ZC3H4: variants seen among roughly 807,000 people sequenced by gnomAD.
ZC3H4 encodes zinc finger CCCH domain-containing protein 4.
ZC3H4 carries 13 observed loss-of-function variants against 108.3 expected under a neutral mutation model. The ratio of observed to expected loss-of-function variants is 0.12; its 90% CI spans 0.08 to 0.19. The LOEUF (loss-of-function observed/expected upper bound fraction) is 0.19, where lower values mean the gene tolerates loss of function less well. ZC3H4 is among the 10% of genes least tolerant of loss of function. The probability of loss-of-function intolerance (pLI) is 1.00; values close to 1 mark genes in which losing one functional copy is unlikely to be tolerated. For synonymous variants in ZC3H4, 917 were observed against 749.6 expected (o/e 1.22, Z -3.65); for missense variants, 1,734 against 1,838.8 (o/e 0.94, Z 1.04).
chr19:47,075,641 C>G (rs894927435), intron 11 of ZC3H4, among the ~76,000 whole-genome samples: 11 of 152,104 alleles, frequency 7.2e-5, no homozygotes, highest in Non-Finnish European at 1.3e-4. Flanking sequence ...CACTCACACT[C>G]CCCATGTGTC....
Position 47,112,535 on chromosome 19 carries a change from G to T in ZC3H4, c.50C>A (p.Pro17Gln). 1.9e-6 allele frequency: 2 copies of T among 1,064,616 alleles called. No homozygotes were observed. Among genetic ancestry groups the T allele is most frequent in the Non-Finnish European group, 2.4e-6 (2 of 828,202 alleles). 65.9% of individuals were successfully genotyped at this position (1,064,616 alleles called of 1,614,324 possible). A position where few individuals can be genotyped will look rare whatever the true frequency, so the allele number is the denominator to read the frequency against. The change falls in exon 2 of 15, where the codon CCG (proline) becomes CAG (glutamine). Residue 17 changes from proline (P) to glutamine (Q), a missense_variant. By Grantham distance (76) the Pro-to-Gln change is moderately conservative. Around this residue, in one of 9 missense-constraint regions of ZC3H4, gnomAD observed 112 missense variants for 73.3 expected, o/e 1.53. Coordinates refer to ENST00000253048, the MANE Select transcript of ZC3H4 (RefSeq NM_015168.2). Reference sequence around the variant, plus strand: ...TGATGGCGGCGGCGGCGATGGCGGCGGCGGCGACTCTGATGGCGGCGGCGG... The same window carrying T: ...TGATGGCGGCGGCGGCGATGGCGGCTGCGGCGACTCTGATGGCGGCGGCGG... ...TPPPPPSESP[P>Q]PPSPPPPSTP...
At chr19:47,081,087 A>T (rs962440777) in intron 11 of ZC3H4, among the ~76,000 whole-genome samples, 1 of 151,746 alleles carries the variant, frequency 6.6e-6, no homozygotes, top group Non-Finnish European at 1.5e-5. Flanking sequence ...TTTTAGTAGA[A>T]ACAACGTCTT....
intron 2 of ZC3H4, among the ~76,000 whole-genome samples, chr19:47,109,539 T>C (rs1361528856): frequency 6.6e-6 from 1 of 152,212 alleles, no homozygotes; most frequent in African/African-American, 2.4e-5. Context: ...GCTGACCCAG[T>C]GCCCTGGATA....
rs2058052329 is a variant in ZC3H4 at position 47,112,430 on chromosome 19, T to G, written c.155A>C (p.Asp52Ala). The G allele has an allele frequency of 4.0e-6, 5 of 1,234,754 alleles. No individual in the cohort carries two copies. The Admixed American group carries it at 1.3e-4, about 31-fold the overall frequency. 76.5% of individuals were successfully genotyped at this position (1,234,754 alleles called of 1,614,324 possible). The part of the protein sequence containing the change: ...HLLHHRLPLP[D>A]DREDGELEEG... ...GCCCAACCGGGGGCCTGACCTGTCG[T>G]CAGGGAGCGGGAGGCGGTGGTGGAG... The change falls in exon 2 of 15, where the codon GAC (aspartate) becomes GCC (alanine). Residue 52 changes from aspartate (D) to alanine (A), a missense_variant. This residue lies in a region of ZC3H4 where 112 missense variants were observed against 73.3 expected (regional missense o/e 1.53). Transcript: ENST00000253048.
intron 2 of ZC3H4, among the ~76,000 whole-genome samples, chr19:47,101,665 G>A (rs1192398701): frequency 6.6e-6 from 1 of 152,054 alleles, no homozygotes; most frequent in African/African-American, 2.4e-5. Flanking sequence ...TAGATCAGGA[G>A]TTCGAGACCA....
intron 13 of ZC3H4, 87 bp from the exon 14 acceptor site, chr19:47,069,430 A>C: frequency 6.7e-7 from 1 of 1,484,988 alleles, no homozygotes; most frequent in Non-Finnish European, 9.0e-7. Context: ...GCAAACCCAC[A>C]CCGATGGCGA....
chr19:47,066,496 TC>T lies in ZC3H4; in HGVS notation c.3771del (p.Thr1258ArgfsTer2). ...CCCGTCTTGGGTGTCTGCTTCACCG[TC>T]CCGAAGAGGGTGGGCACGGGCAGGT... ...VHNLPVPTLF[G>X]TVKQTPKTGS... On this transcript the variant is annotated frameshift_variant, in exon 15 of 15. Transcript: ENST00000253048. LOFTEE classifies it high-confidence loss of function. 2 of 1,578,050 alleles carry T rather than the reference TC, an allele frequency of 1.3e-6. No individual in the cohort carries two copies. The highest frequency in any genetic ancestry group is 1.2e-5 in the South Asian group (1 of 85,580).
intron 2 of ZC3H4, among the ~76,000 whole-genome samples, chr19:47,095,413 G>C (rs538288852): frequency 7.9e-5 from 12 of 152,350 alleles, no homozygotes; most frequent in African/African-American, 2.4e-4. Context: ...TGAGCAGCTG[G>C]AGGAGGGGGG....
chr19:47,089,168 T>C (rs1044994592), intron 5 of ZC3H4, among the ~76,000 whole-genome samples: 3 of 130,780 alleles, frequency 2.3e-5, no homozygotes, highest in African/African-American at 9.0e-5. Flanking sequence ...ATCGCGCCAC[T>C]GCACTCCAGC....
At position 47,069,088 on chromosome 19, in the gene ZC3H4, G is replaced by C. The variant is rs375396009; in HGVS notation, c.2398+4C>G. 6.2e-6 allele frequency: 10 copies of C among 1,602,626 alleles called. No homozygotes were observed. The highest frequency in any genetic ancestry group is 8.5e-6 in the Non-Finnish European group (10 of 1,179,846). ...GTGCCCCGGCCCCTGGGGCGGACAC[G>C]TGCCTTCCTCATTCTCCCGGTCCTG... On this transcript the variant is annotated splice_donor_region_variant and intron_variant, in intron 14 of 14. Coordinates refer to ENST00000253048, the MANE Select transcript of ZC3H4 (RefSeq NM_015168.2).
intron 10 of ZC3H4, 72 bp downstream of exon 10, chr19:47,082,112 G>A (rs2057535204): frequency 1.6e-6 from 2 of 1,256,144 alleles, no homozygotes; most frequent in Admixed American, 1.7e-5. Context: ...AAGATTGGCT[G>A]TTACTACCAC....
intron 1 of ZC3H4, 25 bp from the exon 2 acceptor site, chr19:47,112,614 G>T: frequency 2.5e-6 from 3 of 1,218,376 alleles, no homozygotes; most frequent in Non-Finnish European, 2.1e-6. Context: ...GGATGTTAAT[G>T]CACGAAAAAG....
intron 2 of ZC3H4, chr19:47,110,834 T>C: frequency 1.1e-6 from 1 of 883,464 alleles, no homozygotes. Flanking sequence ...TGGGCTGCGA[T>C]TCCCAGGACG....
rs112615520 is a variant in ZC3H4, at chr19:47,105,775, G to A, written c.161+6649C>T. Among the ~76,000 whole-genome samples, 619 of 152,290 alleles carry A rather than the reference G, an allele frequency of 4.1e-3. 2 individuals are homozygous for A. Among genetic ancestry groups the A allele is most frequent in the Non-Finnish European group, 6.1e-3 (412 of 68,032 alleles). On this transcript the variant is annotated intron_variant, in intron 2 of 14. Coordinates refer to ENST00000253048, the MANE Select transcript of ZC3H4 (RefSeq NM_015168.2). Reference sequence around the variant, plus strand: ...TTCTCCCAAACAAAAGTTTCCAGAAGCCACATTTAAATGCATTCTGCTTTT... The same window carrying A: ...TTCTCCCAAACAAAAGTTTCCAGAAACCACATTTAAATGCATTCTGCTTTT...
chr19:47,072,343 G>A lies in ZC3H4; in HGVS notation c.1802+9C>T, dbSNP rs898775903. 1.2e-6 allele frequency: 2 copies of A among 1,611,850 alleles called. No individual in the cohort carries two copies. Among genetic ancestry groups the A allele is most frequent in the Non-Finnish European group, 1.7e-6 (2 of 1,179,308 alleles). ...CCCACTGCCTGTCACGGGGGTCCAG[G>A]GCACTCACCTCACACCCAGCTTCTC... On this transcript the variant is annotated intron_variant, in intron 12 of 14. Coordinates refer to ENST00000253048, the MANE Select transcript of ZC3H4 (RefSeq NM_015168.2). This position sits in a 1 kb window ranked among gnomAD's most constrained non-coding sequence, Gnocchi z 5.6.
At chr19:47,069,603 T>C (rs1332330640) in intron 13 of ZC3H4, among the ~76,000 whole-genome samples, 1 of 152,192 alleles carries the variant, frequency 6.6e-6, no homozygotes, top group East Asian at 1.9e-4. Context: ...ACATTGGATG[T>C]ACGTTTGTAA....
chr19:47,103,475 T>C (rs1179712078), intron 2 of ZC3H4, among the ~76,000 whole-genome samples: 3 of 152,114 alleles, frequency 2.0e-5, no homozygotes, highest in African/African-American at 7.2e-5. Flanking sequence ...AGCTAATTTT[T>C]GTATTTTTTG....
chr19:47,075,264 C>T (rs1388505756), intron 11 of ZC3H4, among the ~76,000 whole-genome samples: 1 of 152,154 alleles, frequency 6.6e-6, no homozygotes, highest in Non-Finnish European at 1.5e-5. Context: ...CCCGTGGAGG[C>T]AGAACCCGCA....
At chr19:47,102,395 G>C (rs775312844) in intron 2 of ZC3H4, among the ~76,000 whole-genome samples, 4 of 152,194 alleles carry the variant, frequency 2.6e-5, no homozygotes, top group Non-Finnish European at 5.9e-5. Context: ...ATCGAGTAGG[G>C]AAAAATAAGA....
Sources: allele counts gnomAD v4.1 joint callset (sites outside exome capture counted in the v4.1 genomes callset), GRCh38; gene constraint gnomAD v4.1.1; regional missense constraint gnomAD v4.1.1; non-coding constraint Gnocchi (gnomAD v3.1); transcripts MANE v1.5; gene names NCBI Gene and HGNC (gene_info 2026-07-23, HGNC 2026-07-21).